SLC9A8: variants seen among roughly 807,000 people sequenced by gnomAD.
SLC9A8 encodes the protein sodium/hydrogen exchanger 8.
In SLC9A8, 48 loss-of-function variants were observed where a neutral mutation model predicts 66.6. The ratio of observed to expected loss-of-function variants is 0.72; its 90% CI spans 0.57 to 0.92. SLC9A8 has a LOEUF of 0.92. Among genes scored for constraint, SLC9A8 ranks in the 40% least tolerant of loss-of-function variants. The pLI, the probability that SLC9A8 is intolerant of heterozygous loss-of-function variation, is 0.00. For synonymous variants in SLC9A8, 274 were observed against 282.6 expected, an observed-to-expected ratio of 0.97 and a Z score of 0.31; for missense variants, 599 against 747.3, an observed-to-expected ratio of 0.80 and a Z score of 2.31.
chr20:49,883,326 C>T (rs2089701629), intron 13 of SLC9A8, among the ~76,000 whole-genome samples: 2 of 152,162 alleles, frequency 1.3e-5, no homozygotes. Context: ...AGGAGGGGTA[C>T]TGGACACATT....
rs528417864 is a variant in SLC9A8 at position 49,821,618 on chromosome 20, G to GA, written c.209-1436dup. ...ATGTGGATTGTTTAAACATTTCCTT[G>GA]AAAAAAATAACAAAATTAATGTTAG... On this transcript the variant is annotated intron_variant, in intron 2 of 15. Coordinates refer to ENST00000361573, the MANE Select transcript of SLC9A8 (RefSeq NM_015266.3). Among the ~76,000 whole-genome samples, 450 of 152,104 alleles carry GA rather than the reference G, an allele frequency of 3.0e-3. 1 individual carries two copies. Among genetic ancestry groups the GA allele is most frequent in the African/African-American group, 9.5e-3 (396 of 41,482 alleles).
chr20:49,874,440 T>C (rs1003533714), intron 10 of SLC9A8, among the ~76,000 whole-genome samples: 1 of 152,132 alleles, frequency 6.6e-6, no homozygotes, highest in Non-Finnish European at 1.5e-5. Context: ...GAGTGGCTAC[T>C]ATTAGTCCCA....
At chr20:49,857,448 T>C (rs2088543076) in intron 8 of SLC9A8, among the ~76,000 whole-genome samples, 1 of 152,238 alleles carries the variant, frequency 6.6e-6, no homozygotes, top group Non-Finnish European at 1.5e-5. Context: ...CTGGGCGCGG[T>C]GGCTCACGCC....
chr20:49,856,820 C>CAAAA (rs143064218), intron 8 of SLC9A8, among the ~76,000 whole-genome samples: 3 of 99,180 alleles, frequency 3.0e-5, no homozygotes, highest in Non-Finnish European at 2.2e-5. Flanking sequence ...GACTCCGTCT[C>CAAAA]AAAAAAAAAA....
intron 3 of SLC9A8, among the ~76,000 whole-genome samples, chr20:49,834,349 T>A (rs71351985): frequency 0.03 from 2,126 of 71,272 alleles, 46 homozygotes; most frequent in Non-Finnish European, 0.041. Flanking sequence ...ATATATATAC[T>A]GTATATATAT....
Position 49,845,086 on chromosome 20 carries a change from T to G in SLC9A8, c.399T>G (p.Pro133=). ...TGTTTTTCCTCCTCCTGCTTCCCCC[T>G]ATTATCTTTGAGTCTGGATATTCAT... ...PNMFFLLLLP[P]IIFESGYSLH... is the part of the protein sequence containing the mutation. The change falls in exon 5 of 16, where the codon CCT becomes CCG. Residue 133 remains proline, a synonymous_variant. Transcript: ENST00000361573. The G allele has an allele frequency of 6.2e-7, 1 of 1,613,430 alleles. No individual in the cohort carries two copies. Among genetic ancestry groups the G allele is most frequent in the Non-Finnish European group, 8.5e-7 (1 of 1,179,350 alleles).
chr20:49,887,287 G>A (rs149697412), intron 15 of SLC9A8, among the ~76,000 whole-genome samples: 1 of 152,252 alleles, frequency 6.6e-6, no homozygotes, highest in African/African-American at 2.4e-5. Flanking sequence ...CCTCTCTTTA[G>A]TTGGAGGCCT....
chr20:49,817,540 C>T (rs13433154), intron 2 of SLC9A8, among the ~76,000 whole-genome samples: 12,960 of 148,214 alleles, frequency 0.087, 659 homozygotes, highest in Middle Eastern at 0.13. Context: ...TATATTCTGT[C>T]TCTGGTGAGT....
Position 49,839,565 on chromosome 20 carries a change from AAATTATAG to A in SLC9A8, c.316_323del (p.Ile106ValfsTer2), listed in dbSNP as rs1361243913. 6.3e-7 allele frequency: 1 copy of A among 1,599,414 alleles called. No individual in the cohort carries two copies. The highest frequency in any genetic ancestry group is 1.1e-5 in the South Asian group (1 of 90,070). ...GGTATTCTCATGGGAGCAGTTATAA[AAATTATAG>A]AGTTTAAAAAACTGGCGAATTGGAA... On this transcript the variant is annotated frameshift_variant, in exon 4 of 16. Coordinates refer to ENST00000361573, the MANE Select transcript of SLC9A8 (RefSeq NM_015266.3). LOFTEE classifies it high-confidence loss of function.
In SLC9A8 at chr20:49,866,060, G is replaced by A. The variant is rs184337307; in HGVS notation, c.958+1216G>A. On this transcript the variant is annotated intron_variant, in intron 10 of 15. Coordinates refer to ENST00000361573, the MANE Select transcript of SLC9A8 (RefSeq NM_015266.3). ...GACAGTCATAACTACCCCCACAGTC[G>A]AGGTGTGGCATATTCTTATCGCCCA... is the stretch of plus-strand genomic sequence containing the variant. Among the ~76,000 whole-genome samples the A allele has an allele frequency of 1.1e-4, 16 of 152,278 alleles. No individual in the cohort carries two copies. In the Middle Eastern group the frequency reaches 0.014, roughly 129 times the overall value.
At chr20:49,813,742 C>G (rs1194746269) in intron 1 of SLC9A8, among the ~76,000 whole-genome samples, 3 of 152,132 alleles carry the variant, frequency 2.0e-5, no homozygotes, top group Admixed American at 2.0e-4. Flanking sequence ...TCAGCAGAAA[C>G]TTGAATGACC....
chr20:49,825,936 C>A (rs1265995484), intron 3 of SLC9A8, among the ~76,000 whole-genome samples: 2 of 152,182 alleles, frequency 1.3e-5, no homozygotes, highest in Non-Finnish European at 2.9e-5. Flanking sequence ...CCAAAAGTTG[C>A]AGGATGAACT....
chr20:49,821,579 A>G (rs968587064), intron 2 of SLC9A8, among the ~76,000 whole-genome samples: 8 of 152,212 alleles, frequency 5.3e-5, no homozygotes, highest in African/African-American at 1.7e-4. Context: ...TCTGAGGGTG[A>G]CCAGTTAACA....
intron 3 of SLC9A8, among the ~76,000 whole-genome samples, chr20:49,834,272 TAC>T (rs1346579226): frequency 7.0e-5 from 10 of 142,604 alleles, no homozygotes; most frequent in Middle Eastern, 3.6e-3. Context: ...GCACTATATA[TAC>T]ACACAGTATA....
intron 14 of SLC9A8, 161 bp downstream of exon 14, chr20:49,884,227 C>CACACACACGAG: frequency 4.8e-6 from 1 of 209,210 alleles, no homozygotes; most frequent in East Asian, 7.2e-5. Context: ...CACACACACA[C>CACACACACGAG]ACACACACAC....
chr20:49,845,969 G>C (rs1273492349), intron 5 of SLC9A8, among the ~76,000 whole-genome samples: 2 of 152,276 alleles, frequency 1.3e-5, no homozygotes, highest in African/African-American at 4.8e-5. Flanking sequence ...TGAGTAGCTG[G>C]GATTACAGGC....
chr20:49,853,678 G>A (rs1321423495), intron 7 of SLC9A8, among the ~76,000 whole-genome samples: 1 of 152,148 alleles, frequency 6.6e-6, no homozygotes, highest in African/African-American at 2.4e-5. Context: ...CTTGCCTTCT[G>A]CAAGTGTCTC....
chr20:49,875,047 CA>C (rs2089371938), intron 11 of SLC9A8, among the ~76,000 whole-genome samples: 1 of 151,836 alleles, frequency 6.6e-6, no homozygotes, highest in Non-Finnish European at 1.5e-5. Flanking sequence ...ATTTAAAGAC[CA>C]AAAATAGTGA....
In SLC9A8 at chr20:49,880,996, A is replaced by G. The variant is rs1441553937; in HGVS notation, c.1231A>G (p.Lys411Glu). Reference protein sequence around the residue: ...SYLLNFFRDHKITPKMMFIMW... With the variant: ...SYLLNFFRDHEITPKMMFIMW... ...CCTCCTGAATTTCTTCCGGGATCAT[A>G]AAATCACACCGAAGATGATGTTCAT... The change falls in exon 13 of 16, where the codon AAA (lysine) becomes GAA (glutamate). Residue 411 changes from lysine (K) to glutamate (E), a missense_variant. Transcript: ENST00000361573. 6.2e-7 allele frequency: 1 copy of G among 1,613,802 alleles called. No homozygotes were observed. The highest frequency in any genetic ancestry group is 8.5e-7 in the Non-Finnish European group (1 of 1,179,656).
Sources: allele counts gnomAD v4.1 joint callset (sites outside exome capture counted in the v4.1 genomes callset), GRCh38; gene constraint gnomAD v4.1.1; transcripts MANE v1.5; gene names NCBI Gene and HGNC (gene_info 2026-07-23, HGNC 2026-07-21).